The following PLPP3 variants were observed in gnomAD, a reference collection of about 807,000 sequenced individuals.
The protein encoded by PLPP3 is PAP2 beta.
A neutral mutation model predicts 29.6 loss-of-function variants in PLPP3; 6 were observed. The ratio of observed to expected loss-of-function variants is 0.20; its 90% CI spans 0.11 to 0.40. The LOEUF (loss-of-function observed/expected upper bound fraction) is 0.40, where lower values mean the gene tolerates loss of function less well. Among genes scored for constraint, PLPP3 ranks in the 10% least tolerant of loss-of-function variants. PLPP3 has a pLI of 1.00. For missense variants in PLPP3, 308 were observed against 407.7 expected (o/e 0.76, Z 2.11); for synonymous variants, 152 against 159.7 (o/e 0.95, Z 0.36).
intron 4 of PLPP3, among the ~76,000 whole-genome samples, chr1:56,515,605 A>C (rs1393722265): frequency 6.6e-6 from 1 of 152,246 alleles, no homozygotes; most frequent in East Asian, 1.9e-4. Context: ...TAGGGAGCCA[A>C]GGGAAAAGAA....
chr1:56,547,448 C>T (rs558063385), intron 1 of PLPP3, among the ~76,000 whole-genome samples: 2 of 152,122 alleles, frequency 1.3e-5, no homozygotes, highest in African/African-American at 4.8e-5. Context: ...TTAATGCAAT[C>T]CCCCAAAACA....
At chr1:56,571,981 C>T (rs892812357) in intron 1 of PLPP3, among the ~76,000 whole-genome samples, 3 of 151,266 alleles carry the variant, frequency 2.0e-5, no homozygotes, top group Non-Finnish European at 4.4e-5. Flanking sequence ...TACCTTCCTT[C>T]CTCAGCAAAT....
chr1:56,565,911 T>A (rs1350919361), intron 1 of PLPP3, among the ~76,000 whole-genome samples: 1 of 152,202 alleles, frequency 6.6e-6, no homozygotes, highest in Non-Finnish European at 1.5e-5. Context: ...GTAAACTATA[T>A]TTCACATCGT....
At chr1:56,568,887 A>G (rs1646179384) in intron 1 of PLPP3, among the ~76,000 whole-genome samples, 2 of 152,024 alleles carry the variant, frequency 1.3e-5, no homozygotes, top group South Asian at 2.1e-4. Flanking sequence ...GGCCTCCCCA[A>G]GTGCTGGGAT....
intron 1 of PLPP3, among the ~76,000 whole-genome samples, chr1:56,557,847 CT>C (rs1156698288): frequency 2.0e-5 from 3 of 152,178 alleles, no homozygotes; most frequent in African/African-American, 7.2e-5. Flanking sequence ...CATAGTCCTT[CT>C]TCTCTGCAAG....
At chr1:56,554,863 C>T (rs1275380856) in intron 1 of PLPP3, among the ~76,000 whole-genome samples, 1 of 152,106 alleles carries the variant, frequency 6.6e-6, no homozygotes. Flanking sequence ...TAAAATGTGT[C>T]TTGGAACTTC....
chr1:56,567,488 C>T (rs1646169303), intron 1 of PLPP3, among the ~76,000 whole-genome samples: 1 of 146,478 alleles, frequency 6.8e-6, no homozygotes, highest in Non-Finnish European at 1.5e-5. Context: ...AGCTCTGCCT[C>T]CCGGGTTCAT....
intron 1 of PLPP3, among the ~76,000 whole-genome samples, chr1:56,563,764 C>G (rs1031541672): frequency 1.3e-5 from 2 of 152,202 alleles, no homozygotes; most frequent in Non-Finnish European, 2.9e-5. Context: ...ACAGAATGAA[C>G]TTCAACCTCC....
intron 5 of PLPP3, among the ~76,000 whole-genome samples, chr1:56,507,221 G>A (rs934399920): frequency 6.6e-6 from 1 of 152,150 alleles, no homozygotes; most frequent in South Asian, 2.1e-4. Context: ...AGCATTCTAG[G>A]GTTAATGCAC....
intron 1 of PLPP3, among the ~76,000 whole-genome samples, chr1:56,573,930 G>A (rs11206847): frequency 5.9e-5 from 9 of 152,204 alleles, no homozygotes; most frequent in Admixed American, 2.6e-4. Context: ...GGCCTGGCAC[G>A]GTGGCTCACA....
chr1:56,505,002 G>A (rs1645693073), intron 5 of PLPP3, among the ~76,000 whole-genome samples: 1 of 152,002 alleles, frequency 6.6e-6, no homozygotes, highest in Admixed American at 6.6e-5. Flanking sequence ...ACACAGTAAG[G>A]GCAAGTCTTA....
chr1:56,539,499 C>T (rs537675214), intron 1 of PLPP3, among the ~76,000 whole-genome samples: 36 of 152,290 alleles, frequency 2.4e-4, no homozygotes, highest in African/African-American at 8.7e-4. Flanking sequence ...TAACTGCTTC[C>T]TGCTAGAACA....
intron 2 of PLPP3, among the ~76,000 whole-genome samples, chr1:56,526,501 T>C (rs1376889820): frequency 2.0e-5 from 3 of 152,196 alleles, no homozygotes; most frequent in African/African-American, 7.2e-5. Context: ...TTACCCTATG[T>C]AACCTCACAG....
intron 4 of PLPP3, among the ~76,000 whole-genome samples, chr1:56,521,077 A>T (rs935990645): frequency 6.6e-6 from 1 of 151,800 alleles, no homozygotes; most frequent in African/African-American, 2.4e-5. Context: ...CTACAAAAAA[A>T]TACAAAAATT....
At chr1:56,572,649 T>C (rs17114125) in intron 1 of PLPP3, among the ~76,000 whole-genome samples, 2,497 of 152,240 alleles carry the variant, frequency 0.016, 66 homozygotes, top group East Asian at 0.1. Flanking sequence ...TTCTTGGGAT[T>C]CTTCTCAGAA....
intron 2 of PLPP3, among the ~76,000 whole-genome samples, chr1:56,536,112 C>G (rs1295743098): frequency 6.6e-6 from 1 of 152,166 alleles, no homozygotes; most frequent in Admixed American, 6.5e-5. Flanking sequence ...CTTATCTCAC[C>G]ACACTCTTGG....
chr1:56,541,143 C>A (rs1030534594), intron 1 of PLPP3, among the ~76,000 whole-genome samples: 6 of 152,130 alleles, frequency 3.9e-5, no homozygotes, highest in Admixed American at 2.0e-4. Context: ...CTACTAGAGT[C>A]TTTCAAGGTG....
At chr1:56,559,142 C>T (rs139178732) in intron 1 of PLPP3, among the ~76,000 whole-genome samples, 2 of 152,068 alleles carry the variant, frequency 1.3e-5, no homozygotes, top group African/African-American at 4.8e-5. Context: ...GAGCAGAAAC[C>T]AGCTTAAAGA....
chr1:56,520,929 A>AT (rs1288479421), intron 4 of PLPP3, among the ~76,000 whole-genome samples: 1 of 145,160 alleles, frequency 6.9e-6, no homozygotes, highest in Non-Finnish European at 1.5e-5. Flanking sequence ...AAAAAAAAAA[A>AT]AAAAAAGAAA....
Sources: gnomAD v4.1 joint callset for allele counts (sites outside exome capture counted in the v4.1 genomes callset) on GRCh38, gnomAD v4.1.1 for gene constraint, MANE v1.5 for transcripts, NCBI Gene and HGNC (gene_info 2026-07-23, HGNC 2026-07-21) for gene names.